SPACA6: variants seen among roughly 807,000 people sequenced by gnomAD.
The protein encoded by SPACA6 is sperm acrosome associated 6.
For missense variants in SPACA6, 8 were observed against 2.8 expected, an observed-to-expected ratio of 2.88 and a Z score of -1.34; for synonymous variants, 6 against 1.5, an observed-to-expected ratio of 4.05 and a Z score of -2.21.
upstream of SPACA6, chr19:51,692,515 G>C (rs1433023856): frequency 4.6e-6 from 2 of 437,366 alleles, no homozygotes; most frequent in East Asian, 6.7e-5. This position sits in a 1 kb window ranked among gnomAD's most constrained non-coding sequence, Gnocchi z 5.6. Context: ...GGGGATGAGA[G>C]CCTTGACTCC....
chr19:51,705,406 G>A, downstream of SPACA6: 1 of 295,802 alleles, frequency 3.4e-6, no homozygotes, highest in Non-Finnish European at 6.2e-6. Context: ...AGTCCTCCAT[G>A]TTGCCCTCAG....
At position 51,704,173 on chromosome 19, in the gene SPACA6, C is replaced by T. The variant is rs1238736999; in HGVS notation, c.717C>T (p.Tyr239=). The change falls in exon 7 of 9, where the codon TAC becomes TAT. Residue 239 remains tyrosine, a synonymous_variant. Coordinates refer to ENST00000637797, the MANE Select transcript of SPACA6 (RefSeq NM_001316972.2). ...ACCAGCGCCCCCTGGCCCGGCTCTA[C>T]TTCTTTCTTAACGGTGGGGCGGGGC... ...KQDQRPLARL[Y]FFLNVTGPPP... The T allele has an allele frequency of 7.5e-6, 3 of 400,992 alleles. No homozygotes were observed. The highest frequency in any genetic ancestry group is 4.4e-5 in the Admixed American group (1 of 22,728). The allele number at this position is 400,992 out of a possible 1,614,324, so 24.8% of individuals were successfully genotyped here.
chr19:51,702,766 T>C (rs944891523), intron 4 of SPACA6, 114 bp downstream of exon 4: 1 of 398,980 alleles, frequency 2.5e-6, no homozygotes. Flanking sequence ...AGGAAGCCAA[T>C]AAGATCCCTG....
In SPACA6 at chr19:51,702,876, G is replaced by C. The variant is rs931811862; in HGVS notation, c.386-145G>C. Reference sequence around the variant, plus strand: ...AATCCTAGAGGGCGGAGAGGAGTGAGAGTCGGCCAAAGACAGCAGGGAGGG... The same window carrying C: ...AATCCTAGAGGGCGGAGAGGAGTGACAGTCGGCCAAAGACAGCAGGGAGGG... On this transcript the variant is annotated intron_variant, in intron 4 of 8. Transcript: ENST00000637797. The C allele has an allele frequency of 1.3e-5, 5 of 398,830 alleles. No homozygotes were observed. The East Asian group carries it at 1.8e-4, about 14-fold the overall frequency. The allele number at this position is 398,830 out of a possible 1,614,324, so 24.7% of individuals were successfully genotyped here.
downstream of SPACA6, among the ~76,000 whole-genome samples, chr19:51,708,415 T>G (rs117838666): frequency 5.9e-5 from 9 of 152,068 alleles, no homozygotes; most frequent in Non-Finnish European, 1.2e-4. Flanking sequence ...AGAAATGGAA[T>G]ATGGGGCCGA....
chr19:51,683,243 C>A, the SPACA6 span, among the ~76,000 whole-genome samples: 1 of 152,124 alleles, frequency 6.6e-6, no homozygotes, highest in Admixed American at 6.5e-5. Flanking sequence ...CATCACATGG[C>A]CTTCTTCCCA....
chr19:51,692,173 T>G (rs1321902746), upstream of SPACA6, among the ~76,000 whole-genome samples: 1 of 152,110 alleles, frequency 6.6e-6, no homozygotes, highest in Non-Finnish European at 1.5e-5. The surrounding 1 kb of genome is among the most constrained non-coding windows in gnomAD (Gnocchi z 5.6). Context: ...CTCTGCAGAC[T>G]GACAGGAGGG....
At chr19:51,706,578 A>C (rs554700716), downstream of SPACA6, among the ~76,000 whole-genome samples, 2 of 152,318 alleles carry the variant, frequency 1.3e-5, no homozygotes, top group South Asian at 2.1e-4. Context: ...ATCCCAGATC[A>C]AATGTCTCCT....
At chr19:51,699,981 T>C (rs1013702708) in intron 2 of SPACA6, among the ~76,000 whole-genome samples, 3 of 152,108 alleles carry the variant, frequency 2.0e-5, no homozygotes, top group Non-Finnish European at 2.9e-5. Flanking sequence ...AGGCCAGGCA[T>C]GGTGGCCCAC....
chr19:51,708,820 A>G (rs1844435906), downstream of SPACA6, among the ~76,000 whole-genome samples: 1 of 151,438 alleles, frequency 6.6e-6, no homozygotes, highest in Non-Finnish European at 1.5e-5. Flanking sequence ...GAGTGAGACA[A>G]TGGCACTCCG....
In SPACA6 at chr19:51,703,687, C is replaced by A. The variant is rs1459292167; in HGVS notation, c.574-343C>A. Among the ~76,000 whole-genome samples the A allele has an allele frequency of 1.3e-5, 2 of 152,080 alleles. No homozygotes were observed. Among genetic ancestry groups the A allele is most frequent in the East Asian group, 3.9e-4 (2 of 5,180 alleles). ...GGTGGTGCACGCCTATAGTCCCAGCCACTGGGGAGGCTGAGCGGGAAGACT... is the reference window on the plus strand; with the variant it reads ...GGTGGTGCACGCCTATAGTCCCAGCAACTGGGGAGGCTGAGCGGGAAGACT... On this transcript the variant is annotated intron_variant, in intron 6 of 8. Transcript: ENST00000637797. This position sits in a 1 kb window ranked among gnomAD's most constrained non-coding sequence, Gnocchi z 4.2.
At chr19:51,706,324 C>G (rs1434354679), downstream of SPACA6, among the ~76,000 whole-genome samples, 1 of 152,046 alleles carries the variant, frequency 6.6e-6, no homozygotes, top group East Asian at 1.9e-4. Context: ...TATGATTTCC[C>G]CTGAGTAGCC....
chr19:51,687,764 C>T (rs2083335348), upstream of SPACA6: 1 of 152,338 alleles, frequency 6.6e-6, no homozygotes, highest in Non-Finnish European at 1.5e-5. Context: ...GCATCTCTCT[C>T]CTCTACCCTC....
chr19:51,687,237 G>T (rs887840247), upstream of SPACA6: 1 of 151,318 alleles, frequency 6.6e-6, no homozygotes, highest in African/African-American at 2.4e-5. Context: ...ACTCCAGCCT[G>T]GGCAATCCGT....
At position 51,703,913 on chromosome 19, in the gene SPACA6, C is replaced by CGGGCTCAAGGCTCAGGGCCA. The variant is rs1218795447; in HGVS notation, c.574-114_574-95dup. 394 of 389,870 alleles carry CGGGCTCAAGGCTCAGGGCCA rather than the reference C, an allele frequency of 1.0e-3. 2 individuals are homozygous for CGGGCTCAAGGCTCAGGGCCA. The highest frequency in any genetic ancestry group is 8.1e-3 in the African/African-American group (368 of 45,390). The allele number at this position is 389,870 out of a possible 1,614,324, so 24.2% of individuals were successfully genotyped here. A position where few individuals can be genotyped will look rare whatever the true frequency, so the allele number is the denominator to read the frequency against. ...GCAGGGGAGCGAGAAGGCTCGGGGG[C>CGGGCTCAAGGCTCAGGGCCA]GGGCTCAAGGCTCAGGGCCAGGACT... On this transcript the variant is annotated intron_variant, in intron 6 of 8. Transcript: ENST00000637797. This position sits in a 1 kb window ranked among gnomAD's most constrained non-coding sequence, Gnocchi z 4.2.
chr19:51,697,031 A>G (rs1245102551), intron 2 of SPACA6, among the ~76,000 whole-genome samples: 1 of 152,186 alleles, frequency 6.6e-6, no homozygotes, highest in Non-Finnish European at 1.5e-5. Context: ...CTTATTTAAA[A>G]TGCAGATTTC....
chr19:51,705,428 C>A (rs1207562944), downstream of SPACA6: 3 of 268,410 alleles, frequency 1.1e-5, no homozygotes, highest in Non-Finnish European at 2.1e-5. Flanking sequence ...GGCTGTTCCT[C>A]CCCAAGGCTT....
chr19:51,694,073 A>C (rs2083403131), intron 1 of SPACA6: 2 of 223,976 alleles, frequency 8.9e-6, no homozygotes, highest in Non-Finnish European at 1.5e-5. Flanking sequence ...GAGGATGGAC[A>C]CTCGGGAGGA....
At chr19:51,707,810 A>C (rs2083523026), downstream of SPACA6, among the ~76,000 whole-genome samples, 3 of 152,234 alleles carry the variant, frequency 2.0e-5, no homozygotes, top group African/African-American at 7.2e-5. Context: ...TAACTCAGGG[A>C]AACATATTTA....
Sources: allele counts gnomAD v4.1 joint callset (sites outside exome capture counted in the v4.1 genomes callset), GRCh38; gene constraint gnomAD v4.1.1; non-coding constraint Gnocchi (gnomAD v3.1); transcripts MANE v1.5; gene names NCBI Gene and HGNC (gene_info 2026-07-23, HGNC 2026-07-21).